CCDC28A: variants seen among roughly 807,000 people sequenced by gnomAD.
The protein encoded by CCDC28A is coiled-coil domain-containing protein 28A.
In CCDC28A, 24 loss-of-function variants were observed where a neutral mutation model predicts 22.1. The ratio of observed to expected loss-of-function variants is 1.09; its 90% CI spans 0.79 to 1.53. The LOEUF is 1.53. Ranked by LOEUF, CCDC28A falls within the 40% of genes most tolerant of loss-of-function variation. The pLI is 0.00. For missense variants in CCDC28A, 170 were observed against 210.7 expected, an observed-to-expected ratio of 0.81 and a Z score of 1.20; for synonymous variants, 83 against 74.7, an observed-to-expected ratio of 1.11 and a Z score of -0.57.
At chr6:138,780,122 C>A (rs1223787293) in intron 3 of CCDC28A, 137 bp downstream of exon 3, 9 of 598,194 alleles carry the variant, frequency 1.5e-5, no homozygotes, top group Non-Finnish European at 2.3e-5. Context: ...AGGCAATCAT[C>A]CTAGATTTTG....
At chr6:138,781,666 T>A (rs571344591) in intron 3 of CCDC28A, among the ~76,000 whole-genome samples, 1 of 152,362 alleles carries the variant, frequency 6.6e-6, no homozygotes, top group South Asian at 2.1e-4. Context: ...CCGTGTGTGT[T>A]TGGTAGATTG....
At chr6:138,782,965 A>G (rs1775041510) in intron 3 of CCDC28A, among the ~76,000 whole-genome samples, 1 of 152,086 alleles carries the variant, frequency 6.6e-6, no homozygotes, top group Non-Finnish European at 1.5e-5. Flanking sequence ...AAAAAATTCT[A>G]CTATCAAGGG....
At chr6:138,784,757 G>A (rs541876666) in intron 3 of CCDC28A, among the ~76,000 whole-genome samples, 91 of 151,666 alleles carry the variant, frequency 6.0e-4, no homozygotes, top group African/African-American at 2.2e-3. Flanking sequence ...GCAGTGGCAC[G>A]ATCTTGGCTC....
At chr6:138,779,390 C>T (rs760477898) in intron 2 of CCDC28A, among the ~76,000 whole-genome samples, 6 of 152,050 alleles carry the variant, frequency 3.9e-5, no homozygotes, top group African/African-American at 7.2e-5. Flanking sequence ...TCTCTTTAGA[C>T]GGGGCATTTG....
At chr6:138,789,634 G>A (rs1775141589) in intron 5 of CCDC28A, among the ~76,000 whole-genome samples, 1 of 152,064 alleles carries the variant, frequency 6.6e-6, no homozygotes, top group Non-Finnish European at 1.5e-5. Context: ...AGACCAGCCT[G>A]GCCAACATTG....
chr6:138,784,765 C>G (rs1775068184), intron 3 of CCDC28A, among the ~76,000 whole-genome samples: 1 of 151,742 alleles, frequency 6.6e-6, no homozygotes, highest in Non-Finnish European at 1.5e-5. Context: ...ACGATCTTGG[C>G]TCACTGCAAC....
chr6:138,785,379 G>T lies in CCDC28A; in HGVS notation c.475G>T (p.Asp159Tyr). The T allele has an allele frequency of 1.3e-6, 2 of 1,592,184 alleles. No individual in the cohort carries two copies. The highest frequency in any genetic ancestry group is 1.7e-6 in the Non-Finnish European group (2 of 1,173,454). The change falls in exon 4 of 6, where the codon GAT becomes TAT. Residue 159 changes from aspartate (D) to tyrosine (Y), a missense_variant and splice_region_variant. Coordinates refer to ENST00000617445, the MANE Select transcript of CCDC28A (RefSeq NM_015439.3). Reference sequence around the variant, plus strand: ...CTCCAATCTGGATAGGCTTCTGTCAGATGTAAGTGTAATTCTTTTTCTTTG... The same window carrying T: ...CTCCAATCTGGATAGGCTTCTGTCATATGTAAGTGTAATTCTTTTTCTTTG... ...SDSNLDRLLSDLEELNSSIQK... is the reference protein window; with the variant it reads ...SDSNLDRLLSYLEELNSSIQK...
intron 2 of CCDC28A, among the ~76,000 whole-genome samples, chr6:138,778,521 T>C (rs946024964): frequency 5.3e-5 from 8 of 152,182 alleles, no homozygotes; most frequent in Non-Finnish European, 7.3e-5. Flanking sequence ...TAGTTTAGGC[T>C]AGGGGTTCCA....
chr6:138,775,599 T>C (rs1355253985), intron 1 of CCDC28A, among the ~76,000 whole-genome samples: 1 of 152,240 alleles, frequency 6.6e-6, no homozygotes, highest in East Asian at 1.9e-4. Context: ...CCTATGACAA[T>C]TATACATCTG....
At chr6:138,783,268 C>CTTT (rs36017020) in intron 3 of CCDC28A, among the ~76,000 whole-genome samples, 8 of 113,606 alleles carry the variant, frequency 7.0e-5, no homozygotes, top group African/African-American at 1.3e-4. Context: ...CGTTATTGAA[C>CTTT]TTTTTTTTTT....
Position 138,785,302 on chromosome 6 carries a change from T to C in CCDC28A, c.398T>C (p.Leu133Pro), listed in dbSNP as rs778182507. The change falls in exon 4 of 6, where the codon CTC becomes CCC. Residue 133 changes from leucine to proline, a missense_variant. Physicochemically the swap from Leu to Pro is moderately conservative, Grantham distance 98. Transcript: ENST00000617445. Reference sequence around the variant, plus strand: ...AAATTAGCTCGCTTGAATTTGGAGCTCTATGGGGAGTTAGAGGAACTTCCT... The same window carrying C: ...AAATTAGCTCGCTTGAATTTGGAGCCCTATGGGGAGTTAGAGGAACTTCCT... Reference protein sequence around the residue: ...QEKLARLNLELYGELEELPED... With the variant: ...QEKLARLNLEPYGELEELPED... 8.1e-6 allele frequency: 13 copies of C among 1,613,410 alleles called. No individual in the cohort carries two copies. Among genetic ancestry groups the C allele is most frequent in the Non-Finnish European group, 1.1e-5 (13 of 1,179,402 alleles).
At chr6:138,778,603 G>A (rs1002116297) in intron 2 of CCDC28A, among the ~76,000 whole-genome samples, 1 of 152,134 alleles carries the variant, frequency 6.6e-6, no homozygotes, top group African/African-American at 2.4e-5. Context: ...TGCCAAAGAT[G>A]GCAGTAAGTG....
chr6:138,788,489 G>A (rs1280142822), intron 5 of CCDC28A, 101 bp downstream of exon 5: 3 of 543,266 alleles, frequency 5.5e-6, no homozygotes, highest in Non-Finnish European at 9.6e-6. Context: ...TAGATATGGT[G>A]GAAAAAAGAC....
At position 138,778,438 on chromosome 6, in the gene CCDC28A, T is replaced by C. The variant is rs372260437; in HGVS notation, c.159-1384T>C. Among the ~76,000 whole-genome samples the C allele has an allele frequency of 2.2e-4, 34 of 152,216 alleles. 1 individual carries two copies. Among genetic ancestry groups the C allele is most frequent in the African/African-American group, 7.7e-4 (32 of 41,460 alleles). Reference sequence around the variant, plus strand: ...AACGAACTGCTTCTCTCTCTTCCTATATCGCAGTGCGCATAACATCATCAC... The same window carrying C: ...AACGAACTGCTTCTCTCTCTTCCTACATCGCAGTGCGCATAACATCATCAC... On this transcript the variant is annotated intron_variant, in intron 2 of 5. Transcript: ENST00000617445.
Position 138,779,870 on chromosome 6 carries a change from T to C in CCDC28A, c.207T>C (p.Ala69=). Residue 69 remains alanine, a synonymous_variant, in exon 3 of 6, where the codon GCT becomes GCC. Coordinates refer to ENST00000617445, the MANE Select transcript of CCDC28A (RefSeq NM_015439.3). ...TKPQGGEGKG[A]QSTPIQHSFL... ...CTCAGGGTGGAGAGGGCAAAGGCGC[T>C]CAGTCAACTCCGATCCAGCACTCCT... 6.2e-7 allele frequency: 1 copy of C among 1,613,866 alleles called. No individual in the cohort carries two copies. Among genetic ancestry groups the C allele is most frequent in the South Asian group, 1.1e-5 (1 of 91,074 alleles).
At chr6:138,777,907 G>A (rs1774959393) in intron 2 of CCDC28A, among the ~76,000 whole-genome samples, 1 of 152,064 alleles carries the variant, frequency 6.6e-6, no homozygotes, top group Non-Finnish European at 1.5e-5. Flanking sequence ...GATCTCTCGG[G>A]GATTTTTTTA....
rs1269129575 is a variant in CCDC28A at position 138,779,839 on chromosome 6, C to A, written c.176C>A (p.Thr59Asn). The A allele has an allele frequency of 4.3e-6, 7 of 1,611,890 alleles. No homozygotes were observed. ...PKLKRVMKEK[T>N]KPQGGEGKGA... ...CTTTACAGAGTGATGAAAGAAAAGA[C>A]CAAACCTCAGGGTGGAGAGGGCAAA... The change falls in exon 3 of 6, where the codon ACC becomes AAC. Residue 59 changes from threonine (T) to asparagine (N), a missense_variant. Thr to Asn is a moderately conservative substitution (Grantham distance 65). Transcript: ENST00000617445.
chr6:138,776,845 G>A (rs6570280), intron 2 of CCDC28A, among the ~76,000 whole-genome samples: 91,902 of 151,870 alleles, frequency 0.61, 28,892 homozygotes, highest in East Asian at 0.89. Context: ...AAAAATAATG[G>A]TGTCATTGTT....
intron 5 of CCDC28A, 117 bp downstream of exon 5, chr6:138,788,505 G>T: frequency 7.6e-6 from 3 of 396,008 alleles, no homozygotes; most frequent in African/African-American, 2.2e-5. Context: ...AAGACACGTA[G>T]TATTATTCAC....
Sources: gnomAD v4.1 joint callset for allele counts (sites outside exome capture counted in the v4.1 genomes callset) on GRCh38, gnomAD v4.1.1 for gene constraint, MANE v1.5 for transcripts, NCBI Gene and HGNC (gene_info 2026-07-23, HGNC 2026-07-21) for gene names.